COP1: variants seen among roughly 807,000 people sequenced by gnomAD.
COP1 encodes the protein E3 ubiquitin-protein ligase COP1.
In COP1, 24 loss-of-function variants were observed where a neutral mutation model predicts 101.3. That is an observed-to-expected ratio of 0.24 (90% confidence interval 0.17 to 0.33). The LOEUF (loss-of-function observed/expected upper bound fraction) is 0.33, where lower values mean the gene tolerates loss of function less well. Among genes scored for constraint, COP1 ranks in the 10% least tolerant of loss-of-function variants. The pLI is 1.00. For synonymous variants in COP1, 347 were observed against 341.9 expected (o/e 1.01, Z -0.17); for missense variants, 663 against 906.2 (o/e 0.73, Z 3.45).
intron 5 of COP1, among the ~76,000 whole-genome samples, chr1:176,159,502 C>A (rs750194262): frequency 2.6e-5 from 4 of 152,012 alleles, no homozygotes; most frequent in Non-Finnish European, 5.9e-5. Flanking sequence ...TACCCTAATG[C>A]GAGCACAAGG....
At chr1:176,026,661 C>T (rs1667719210) in intron 15 of COP1, among the ~76,000 whole-genome samples, 1 of 152,058 alleles carries the variant, frequency 6.6e-6, no homozygotes, top group Non-Finnish European at 1.5e-5. Context: ...AGCCCAGTGA[C>T]ACAGTGAGTT....
chr1:176,114,762 G>GT (rs1685901224), intron 9 of COP1, among the ~76,000 whole-genome samples: 1 of 151,782 alleles, frequency 6.6e-6, no homozygotes, highest in Non-Finnish European at 1.5e-5. Context: ...TAATTTTTTT[G>GT]TTTTTTGTAG....
chr1:176,166,275 C>T (rs1695133449), intron 3 of COP1, among the ~76,000 whole-genome samples: 1 of 152,072 alleles, frequency 6.6e-6, no homozygotes, highest in Non-Finnish European at 1.5e-5. Flanking sequence ...TACAGGTGCA[C>T]ACCACTCCAC....
At chr1:176,201,373 A>G (rs1219506362) in intron 1 of COP1, among the ~76,000 whole-genome samples, 1 of 152,194 alleles carries the variant, frequency 6.6e-6, no homozygotes, top group South Asian at 2.1e-4. Context: ...AGGTTAAAAT[A>G]ATTATATAAA....
chr1:176,207,274 C>T lies in COP1; in HGVS notation c.-296G>A. 2.6e-6 allele frequency: 1 copy of T among 388,422 alleles called. No homozygotes were observed. The highest frequency in any genetic ancestry group is 4.6e-6 in the Non-Finnish European group (1 of 219,354). The allele number at this position is 388,422 out of a possible 1,614,324, so 24.1% of individuals were successfully genotyped here. On this transcript the variant is annotated 5_prime_UTR_variant, in exon 1 of 20. Coordinates refer to ENST00000367669, the MANE Select transcript of COP1 (RefSeq NM_022457.7). ...CCGGCGCGCCGTGGCCGGCCGTGCG[C>T]GCGCGCGCGAGCGGCGGAAGAGGCG...
At chr1:175,977,981 T>C (rs934257394) in intron 18 of COP1, among the ~76,000 whole-genome samples, 19 of 152,140 alleles carry the variant, frequency 1.2e-4, no homozygotes, top group African/African-American at 4.3e-4. Flanking sequence ...TACCAAAAGA[T>C]AAACATTAGA....
intron 8 of COP1, among the ~76,000 whole-genome samples, chr1:176,129,041 C>T (rs1688489659): frequency 2.0e-5 from 3 of 151,882 alleles, no homozygotes; most frequent in Admixed American, 2.0e-4. Context: ...CATAGAATGA[C>T]ATGGGTAAAC....
chr1:175,947,765 G>C (rs1265229603), intron 18 of COP1, among the ~76,000 whole-genome samples: 1 of 152,124 alleles, frequency 6.6e-6, no homozygotes, highest in Non-Finnish European at 1.5e-5. Flanking sequence ...GTTAGAAGCA[G>C]AGTAGGACAC....
rs190192830 is a variant in COP1 at position 176,035,615 on chromosome 1, A to G, written c.1612+7571T>C. On this transcript the variant is annotated intron_variant, in intron 14 of 19. Transcript: ENST00000367669. Reference sequence around the variant, plus strand: ...GCCCTTAACAATAGTTTCAAAATATATCAGGTAAAAACACACTTAACACAA... The same window carrying G: ...GCCCTTAACAATAGTTTCAAAATATGTCAGGTAAAAACACACTTAACACAA... 6.3e-3 allele frequency among the ~76,000 whole-genome samples: 950 copies of G among 151,598 alleles called. 7 individuals are homozygous for G. The highest frequency in any genetic ancestry group is 0.022 in the African/African-American group (899 of 41,366).
intron 14 of COP1, among the ~76,000 whole-genome samples, chr1:176,034,019 CTT>C (rs1299839298): frequency 6.6e-6 from 1 of 152,090 alleles, no homozygotes; most frequent in East Asian, 1.9e-4. Context: ...GCATTTGAGA[CTT>C]TTACTGCCAA....
intron 11 of COP1, among the ~76,000 whole-genome samples, chr1:176,079,404 C>T (rs1376261977): frequency 6.6e-6 from 1 of 152,126 alleles, no homozygotes; most frequent in Non-Finnish European, 1.5e-5. Context: ...TGTATATTCT[C>T]ACTTGTAAGT....
At chr1:176,029,142 G>A (rs1668241623) in intron 14 of COP1, among the ~76,000 whole-genome samples, 2 of 152,038 alleles carry the variant, frequency 1.3e-5, no homozygotes, top group African/African-American at 4.8e-5. Context: ...AAAGCACTTG[G>A]AAACTGTTCT....
intron 9 of COP1, among the ~76,000 whole-genome samples, chr1:176,104,209 T>C (rs928856682): frequency 6.6e-6 from 1 of 152,150 alleles, no homozygotes; most frequent in African/African-American, 2.4e-5. Flanking sequence ...ATTGAGAATT[T>C]AAATGTAAAA....
intron 6 of COP1, 141 bp from the exon 7 acceptor site, chr1:176,136,688 G>A: frequency 1.9e-6 from 1 of 534,082 alleles, no homozygotes; most frequent in Non-Finnish European, 3.3e-6. Flanking sequence ...TTAACAGGAG[G>A]GATAACCATC....
intron 5 of COP1, among the ~76,000 whole-genome samples, chr1:176,156,132 G>A (rs1244004021): frequency 6.6e-6 from 1 of 151,912 alleles, no homozygotes; most frequent in Non-Finnish European, 1.5e-5. Flanking sequence ...CTTATAACAT[G>A]GTTTGAACCA....
At chr1:176,176,378 C>G (rs977038201) in intron 2 of COP1, among the ~76,000 whole-genome samples, 1 of 152,098 alleles carries the variant, frequency 6.6e-6, no homozygotes, top group Non-Finnish European at 1.5e-5. Context: ...ACCCTTAATA[C>G]TCAGTTCATT....
At chr1:175,962,539 A>C (rs1651501841) in intron 18 of COP1, among the ~76,000 whole-genome samples, 1 of 152,118 alleles carries the variant, frequency 6.6e-6, no homozygotes. Flanking sequence ...GAGCCTTTTC[A>C]TTGGGGGTTT....
chr1:176,183,931 CA>C (rs1698112024), intron 2 of COP1, among the ~76,000 whole-genome samples: 1 of 151,866 alleles, frequency 6.6e-6, no homozygotes, highest in Non-Finnish European at 1.5e-5. Context: ...CCAGGGGATA[CA>C]GGGAAGGGGA....
intron 6 of COP1, among the ~76,000 whole-genome samples, chr1:176,138,254 A>C (rs554969752): frequency 1.4e-3 from 219 of 152,284 alleles, no homozygotes; most frequent in African/African-American, 4.8e-3. Context: ...AACATCAATA[A>C]GTATAGTCAG....
Sources: allele counts gnomAD v4.1 joint callset (sites outside exome capture counted in the v4.1 genomes callset), GRCh38; gene constraint gnomAD v4.1.1; transcripts MANE v1.5; gene names NCBI Gene and HGNC (gene_info 2026-07-23, HGNC 2026-07-21).